Variants in HERC6 observed in about 807,000 individuals in gnomAD.
The protein encoded by HERC6 is HECT and RLD domain containing E3 ubiquitin protein ligase family member 6, also known as probable E3 ubiquitin-protein ligase HERC6.
A neutral mutation model predicts 114.5 loss-of-function variants in HERC6; 101 were observed. The observed-to-expected ratio is 0.88, with a 90% CI of 0.75 to 1.04. The LOEUF is 1.04. HERC6 is among the 50% of genes least tolerant of loss of function. The probability of loss-of-function intolerance (pLI) is 0.00; values close to 1 mark genes in which losing one functional copy is unlikely to be tolerated. For synonymous variants in HERC6, 408 were observed against 436.2 expected (o/e 0.94, Z 0.81); for missense variants, 1,133 against 1,230.9 (o/e 0.92, Z 1.19).
intron 10 of HERC6, among the ~76,000 whole-genome samples, chr4:88,405,933 AAGCC>A (rs780873817): frequency 2.2e-4 from 34 of 152,332 alleles, no homozygotes; most frequent in South Asian, 1.4e-3. Flanking sequence ...TAGTACTTAG[AAGCC>A]AAGAGTACAC....
intron 18 of HERC6, 93 bp downstream of exon 18, chr4:88,435,984 C>A: frequency 2.2e-6 from 2 of 893,144 alleles, no homozygotes; most frequent in Non-Finnish European, 3.1e-6. Context: ...CAGATATGGT[C>A]TTCAATTTCA....
At chr4:88,407,241 C>A (rs1735857610) in intron 10 of HERC6, among the ~76,000 whole-genome samples, 1 of 151,594 alleles carries the variant, frequency 6.6e-6, no homozygotes, top group South Asian at 2.1e-4. Context: ...CCATGCCCAG[C>A]TAATTTTTTT....
chr4:88,387,971 C>T (rs114146485), intron 3 of HERC6, among the ~76,000 whole-genome samples: 9 of 152,268 alleles, frequency 5.9e-5, no homozygotes, highest in South Asian at 2.1e-4. Flanking sequence ...CATAGACCTT[C>T]GTGAGAGTTT....
At chr4:88,419,487 T>G (rs1369861299) in intron 13 of HERC6, among the ~76,000 whole-genome samples, 1 of 152,174 alleles carries the variant, frequency 6.6e-6, no homozygotes, top group Non-Finnish European at 1.5e-5. Context: ...GCTCTTAAAT[T>G]CCAGAGAAGT....
intron 2 of HERC6, 121 bp downstream of exon 2, chr4:88,383,501 G>T: frequency 1.4e-6 from 1 of 738,822 alleles, no homozygotes; most frequent in Non-Finnish European, 2.0e-6. Flanking sequence ...GTTCATGTCT[G>T]TAATCCCAAC....
At chr4:88,400,615 G>C (rs10030059) in intron 8 of HERC6, among the ~76,000 whole-genome samples, 59,296 of 152,052 alleles carry the variant, frequency 0.39, 14,936 homozygotes, top group African/African-American at 0.68. Flanking sequence ...AATTTTAAAT[G>C]ACATGTTCTG....
At chr4:88,417,359 C>A in intron 12 of HERC6, 66 bp from the exon 13 acceptor site, 4 of 1,434,154 alleles carry the variant, frequency 2.8e-6, no homozygotes, top group Non-Finnish European at 3.8e-6. Context: ...AAAGAACCCA[C>A]TAGAAACAGA....
chr4:88,402,267 C>G (rs1218471409), intron 8 of HERC6, among the ~76,000 whole-genome samples: 1 of 152,162 alleles, frequency 6.6e-6, no homozygotes, highest in Non-Finnish European at 1.5e-5. Flanking sequence ...TCACCTGTAT[C>G]TAGGGCAGTG....
chr4:88,389,514 G>A (rs1273044288), intron 3 of HERC6, among the ~76,000 whole-genome samples: 4 of 151,970 alleles, frequency 2.6e-5, no homozygotes, highest in Admixed American at 2.0e-4. Context: ...AGATTTTGAG[G>A]GTAGAAGTTT....
Position 88,385,559 on chromosome 4 carries a change from C to A in HERC6, c.420C>A (p.Ser140=). 6.7e-7 allele frequency: 1 copy of A among 1,498,900 alleles called. No individual in the cohort carries two copies. The highest frequency in any genetic ancestry group is 8.9e-7 in the Non-Finnish European group (1 of 1,118,934). The allele number at this position is 1,498,900 out of a possible 1,614,324, so 92.9% of individuals were successfully genotyped here. Residue 140 remains serine (S), a synonymous_variant, in exon 3 of 23, where the codon TCC becomes TCA. Transcript: ENST00000264346. ...IIQVSCGHYH[S]LALSKDSQVF... is the part of the protein sequence containing the mutation. ...AAGTTTCCTGTGGACACTACCACTC[C>A]CTGGCATTATCAAAAGGTAAGAAAC...
At chr4:88,419,050 CAT>C (rs891122374) in intron 13 of HERC6, among the ~76,000 whole-genome samples, 2 of 151,996 alleles carry the variant, frequency 1.3e-5, no homozygotes, top group East Asian at 1.9e-4. Flanking sequence ...ATAAATGAAA[CAT>C]ATATGTTTTA....
intron 11 of HERC6, among the ~76,000 whole-genome samples, chr4:88,410,847 T>C (rs1424348461): frequency 6.6e-6 from 1 of 152,128 alleles, no homozygotes; most frequent in Non-Finnish European, 1.5e-5. Context: ...AAATGGAAGG[T>C]ATGACAGTTT....
At chr4:88,401,461 A>G (rs1735533017) in intron 8 of HERC6, among the ~76,000 whole-genome samples, 1 of 150,808 alleles carries the variant, frequency 6.6e-6, no homozygotes, top group South Asian at 2.1e-4. Context: ...ACTGCACTCC[A>G]GCCTGGGCGA....
At chr4:88,408,472 A>C in intron 10 of HERC6, 52 bp from the exon 11 acceptor site, 2 of 1,131,674 alleles carry the variant, frequency 1.8e-6, no homozygotes, top group Admixed American at 4.0e-5. Context: ...AAACTTTAGA[A>C]ATATCCCTTT....
intron 1 of HERC6, among the ~76,000 whole-genome samples, chr4:88,381,012 A>T (rs190058742): frequency 2.3e-4 from 35 of 152,242 alleles, no homozygotes; most frequent in African/African-American, 8.2e-4. Flanking sequence ...TGTTTTGAAA[A>T]TATGTTTTAA....
At chr4:88,397,326 G>C (rs962050271) in intron 7 of HERC6, among the ~76,000 whole-genome samples, 1 of 151,650 alleles carries the variant, frequency 6.6e-6, no homozygotes, top group Non-Finnish European at 1.5e-5. Context: ...TGGTCAGACT[G>C]GTCTTGAACT....
intron 17 of HERC6, 132 bp downstream of exon 17, chr4:88,431,437 G>A (rs774703564): frequency 3.1e-5 from 33 of 1,052,486 alleles, no homozygotes; most frequent in East Asian, 1.7e-4. Flanking sequence ...AGTAGTACTC[G>A]TATGGTTCAC....
intron 10 of HERC6, among the ~76,000 whole-genome samples, chr4:88,407,758 T>C (rs1735883573): frequency 6.6e-6 from 1 of 152,180 alleles, no homozygotes; most frequent in African/African-American, 2.4e-5. Context: ...GCTTATTGAA[T>C]GCTGGCCTCT....
In HERC6 at chr4:88,404,921, A is replaced by G. The variant is rs757280684; in HGVS notation, c.1138A>G (p.Ser380Gly). The G allele has an allele frequency of 2.5e-6, 4 of 1,613,924 alleles. No individual in the cohort carries two copies. In the South Asian group the frequency reaches 3.3e-5, roughly 13 times the overall value. Reference protein sequence around the residue: ...RAPGKTLPEISRISQSMAEKW... With the variant: ...RAPGKTLPEIGRISQSMAEKW... ...TCCCGGGAAAACCCTGCCAGAAATAAGCCGAATTAGCCAGTCCATGGCAGA... is the reference window on the plus strand; with the variant it reads ...TCCCGGGAAAACCCTGCCAGAAATAGGCCGAATTAGCCAGTCCATGGCAGA... The change falls in exon 9 of 23, where the codon AGC becomes GGC. Residue 380 changes from serine (S) to glycine (G), a missense_variant. This residue lies in a region of HERC6 where 735 missense variants were observed against 754.0 expected (regional missense o/e 0.97). Transcript: ENST00000264346.
Sources: gnomAD v4.1 joint callset for allele counts (sites outside exome capture counted in the v4.1 genomes callset) on GRCh38, gnomAD v4.1.1 for gene constraint, gnomAD v4.1.1 regional missense constraint, MANE v1.5 for transcripts, NCBI Gene and HGNC (gene_info 2026-07-23, HGNC 2026-07-21) for gene names.